RFLNA: variants seen among roughly 807,000 people sequenced by gnomAD.
RFLNA encodes refilin-A.
Under a neutral mutation model 7.8 loss-of-function variants are expected in RFLNA, and 5 were observed. The ratio of observed to expected loss-of-function variants is 0.64; its 90% CI spans 0.34 to 1.35. The LOEUF (loss-of-function observed/expected upper bound fraction) is 1.35, where lower values mean the gene tolerates loss of function less well. Ranked by LOEUF, RFLNA falls within the 40% of genes most tolerant of loss-of-function variation. The pLI is 0.04. For synonymous variants in RFLNA, 141 were observed against 131.3 expected, an observed-to-expected ratio of 1.07 and a Z score of -0.50; for missense variants, 278 against 305.5, an observed-to-expected ratio of 0.91 and a Z score of 0.67.
chr12:124,300,779 G>A (rs1170034500), intron 1 of RFLNA, among the ~76,000 whole-genome samples: 1 of 86,124 alleles, frequency 1.2e-5, no homozygotes, highest in Non-Finnish European at 2.2e-5. Flanking sequence ...TGGATTGACG[G>A]ATGGATGGAT....
intron 2 of RFLNA, among the ~76,000 whole-genome samples, chr12:124,313,860 T>C (rs1337010329): frequency 6.6e-6 from 1 of 152,150 alleles, no homozygotes. Flanking sequence ...GTCAGGGAAG[T>C]GCACACGGTG....
At chr12:124,309,020 G>A (rs1431730071) in intron 1 of RFLNA, among the ~76,000 whole-genome samples, 5 of 152,216 alleles carry the variant, frequency 3.3e-5, no homozygotes, top group South Asian at 2.1e-4. Flanking sequence ...GAATAGCCCC[G>A]TGCGGCTAGT....
chr12:124,293,565 A>G (rs547253691), upstream of RFLNA, among the ~76,000 whole-genome samples: 1 of 152,172 alleles, frequency 6.6e-6, no homozygotes, highest in South Asian at 2.1e-4. Flanking sequence ...CTTGCCTAAG[A>G]ATTGAAGCAA....
At chr12:124,301,182 G>A (rs953716216) in intron 1 of RFLNA, among the ~76,000 whole-genome samples, 10 of 152,188 alleles carry the variant, frequency 6.6e-5, no homozygotes, top group Admixed American at 1.3e-4. Context: ...GGAGGGAGAG[G>A]AGGGAAAGCC....
In RFLNA at chr12:124,314,488, ACCCTGCCCCCAGCCTCCTGGG is replaced by A. The variant is rs745363585; in HGVS notation, c.622_642del (p.Pro208_Ala214del). 4.4e-6 allele frequency: 7 copies of A among 1,595,434 alleles called. No homozygotes were observed. The South Asian group carries it at 7.7e-5, about 18-fold the overall frequency. On this transcript the variant is annotated inframe_deletion, in exon 3 of 3. Coordinates refer to ENST00000546355, the MANE Select transcript of RFLNA (RefSeq NM_001365156.1). ...AGCGTGCAGCTGCAGCTTTGCCAGGACCCTGCCCCCAGCCTCCTGGGCCCTGCCACGCTCTGACGGGGCTGG... is the reference window on the plus strand; with the variant it reads ...AGCGTGCAGCTGCAGCTTTGCCAGGACCCTGCCACGCTCTGACGGGGCTGG...
chr12:124,310,172 CAAAAAAAAAAA>C (rs71088996), intron 1 of RFLNA, among the ~76,000 whole-genome samples: 3 of 17,090 alleles, frequency 1.8e-4, no homozygotes, highest in Admixed American at 3.3e-3. Flanking sequence ...GACTCTGTCT[CAAAAAAAAAAA>C]AAAAAAAAAA....
intron 1 of RFLNA, among the ~76,000 whole-genome samples, chr12:124,305,715 C>T (rs1450927702): frequency 6.6e-6 from 1 of 152,234 alleles, no homozygotes; most frequent in Admixed American, 6.5e-5. Context: ...ACATCAGGCC[C>T]ACCTGGATGA....
chr12:124,300,033 G>A (rs2033998013), intron 1 of RFLNA, among the ~76,000 whole-genome samples: 1 of 152,242 alleles, frequency 6.6e-6, no homozygotes, highest in Non-Finnish European at 1.5e-5. Flanking sequence ...TGCACTCAGG[G>A]AGGCTGAAAG....
Position 124,303,944 on chromosome 12 carries a change from T to G in RFLNA, c.208-7874T>G, listed in dbSNP as rs1281975697. Among the ~76,000 whole-genome samples, 6 of 152,292 alleles carry G rather than the reference T, an allele frequency of 3.9e-5. No homozygotes were observed. The South Asian group carries it at 6.2e-4, about 16-fold the overall frequency. On this transcript the variant is annotated intron_variant, in intron 1 of 2. Transcript: ENST00000546355. ...GAGCAATGACAGGTCCCCGTGTGCA[T>G]GTGCCTGACCCCTTCCCTGGCCCTC...
upstream of RFLNA, among the ~76,000 whole-genome samples, chr12:124,293,340 C>T (rs183368875): frequency 1.1e-3 from 162 of 152,214 alleles, 3 homozygotes; most frequent in African/African-American, 3.8e-3. Flanking sequence ...GTCATTAGTC[C>T]CTGAGATAAG....
chr12:124,311,799 T>A lies in RFLNA; in HGVS notation c.208-19T>A, dbSNP rs768764193. On this transcript the variant is annotated intron_variant, in intron 1 of 2. Coordinates refer to ENST00000546355, the MANE Select transcript of RFLNA (RefSeq NM_001365156.1). Reference sequence around the variant, plus strand: ...CAACAAGGGGCTGCATAACCCCGTGTCCCTGGCTCTCCCCACAGCCCCCCT... The same window carrying A: ...CAACAAGGGGCTGCATAACCCCGTGACCCTGGCTCTCCCCACAGCCCCCCT... 1.3e-6 allele frequency: 2 copies of A among 1,553,632 alleles called. No individual in the cohort carries two copies. The highest frequency in any genetic ancestry group is 1.2e-5 in the South Asian group (1 of 82,634).
intron 1 of RFLNA, among the ~76,000 whole-genome samples, chr12:124,311,443 C>T (rs924204276): frequency 2.0e-5 from 3 of 152,164 alleles, no homozygotes; most frequent in Non-Finnish European, 4.4e-5. Flanking sequence ...TCCTCCAGGC[C>T]GAGTGTGGTT....
chr12:124,314,624 G>A lies in RFLNA; in HGVS notation c.*99G>A, dbSNP rs1004187437. Reference sequence around the variant, plus strand: ...AGCTCGGCCTGGCACTCGGGCAGGAGGCGGGAAGGGAGGCTGCCAGACCAA... The same window carrying A: ...AGCTCGGCCTGGCACTCGGGCAGGAAGCGGGAAGGGAGGCTGCCAGACCAA... On this transcript the variant is annotated 3_prime_UTR_variant, in exon 3 of 3. Coordinates refer to ENST00000546355, the MANE Select transcript of RFLNA (RefSeq NM_001365156.1). 56 of 1,526,032 alleles carry A rather than the reference G, an allele frequency of 3.7e-5. No homozygotes were observed. The highest frequency in any genetic ancestry group is 4.7e-5 in the Non-Finnish European group (54 of 1,138,402). 94.5% of individuals were successfully genotyped at this position (1,526,032 alleles called of 1,614,324 possible).
chr12:124,297,593 G>A (rs930277151), intron 1 of RFLNA, among the ~76,000 whole-genome samples: 4 of 152,228 alleles, frequency 2.6e-5, no homozygotes, highest in Non-Finnish European at 4.4e-5. Flanking sequence ...GCCAGGAAGC[G>A]GCTGTGCTGG....
chr12:124,290,341 T>C (rs1216517731), upstream of RFLNA, among the ~76,000 whole-genome samples: 2 of 151,648 alleles, frequency 1.3e-5, no homozygotes, highest in South Asian at 2.1e-4. The surrounding 1 kb of genome is among the most constrained non-coding windows in gnomAD (Gnocchi z 4.0). Context: ...TTTGCATATG[T>C]GTGTGCATAT....
rs116274388 is a variant in RFLNA at position 124,315,229 on chromosome 12, A to G, written c.*704A>G. The stretch of plus-strand genomic sequence containing the variant: ...CCAGTGTCCCGTGCCCTCCAGTGTC[A>G]AAGATTTGGGGCACTGCCCGTCGAA... On this transcript the variant is annotated 3_prime_UTR_variant, in exon 3 of 3. Coordinates refer to ENST00000546355, the MANE Select transcript of RFLNA (RefSeq NM_001365156.1). 681 of 157,048 alleles carry G rather than the reference A, an allele frequency of 4.3e-3. 7 individuals are homozygous for G. The highest frequency in any genetic ancestry group is 0.015 in the African/African-American group (643 of 41,592). 9.7% of individuals were successfully genotyped at this position (157,048 alleles called of 1,614,324 possible).
intron 1 of RFLNA, among the ~76,000 whole-genome samples, chr12:124,302,920 G>A (rs919001028): frequency 6.6e-6 from 1 of 151,692 alleles, no homozygotes; most frequent in Non-Finnish European, 1.5e-5. Context: ...TCATAAGGAC[G>A]CCTCTCCCGC....
chr12:124,295,338 G>A lies in RFLNA; in HGVS notation c.-92G>A. 1 of 730,884 alleles carries A rather than the reference G, an allele frequency of 1.4e-6. No homozygotes were observed. Among genetic ancestry groups the A allele is most frequent in the Non-Finnish European group, 1.8e-6 (1 of 542,682 alleles). 45.3% of individuals were successfully genotyped at this position (730,884 alleles called of 1,614,324 possible). On this transcript the variant is annotated 5_prime_UTR_variant, in exon 1 of 3. Transcript: ENST00000546355. ...GTGCCCGCAGGTCCCCGGGCGCGCA[G>A]CTCTCGCCCCGCCGCCGCCTGCCCC...
At chr12:124,290,169 G>A (rs574084270), upstream of RFLNA, among the ~76,000 whole-genome samples, 2 of 152,164 alleles carry the variant, frequency 1.3e-5, no homozygotes, top group South Asian at 2.1e-4. This position sits in a 1 kb window ranked among gnomAD's most constrained non-coding sequence, Gnocchi z 4.0. Flanking sequence ...CGCTGACACC[G>A]CAGTTCTCTC....
Sources: gnomAD v4.1 joint callset for allele counts (sites outside exome capture counted in the v4.1 genomes callset) on GRCh38, gnomAD v4.1.1 for gene constraint, Gnocchi (gnomAD v3.1) non-coding constraint, MANE v1.5 for transcripts, NCBI Gene and HGNC (gene_info 2026-07-23, HGNC 2026-07-21) for gene names.